IQSEC2: variants seen among roughly 807,000 people sequenced by gnomAD.
IQSEC2 encodes the protein IQ motif and SEC7 domain-containing protein 2.
IQSEC2 carries 6 observed loss-of-function variants against 74.6 expected under a neutral mutation model. The ratio of observed to expected loss-of-function variants is 0.08; its 90% CI spans 0.04 to 0.16. IQSEC2 has a LOEUF of 0.16. IQSEC2 is among the 10% of genes least tolerant of loss of function. IQSEC2 has a pLI of 1.00. For missense variants in IQSEC2, 734 were observed against 1,306.2 expected (o/e 0.56, Z 6.75); for synonymous variants, 494 against 544.5 (o/e 0.91, Z 1.29).
chrX:53,292,804 CGT>C (rs1215314611), intron 1 of IQSEC2, among the ~76,000 whole-genome samples: 3 of 110,250 alleles, frequency 2.7e-5, no homozygotes, highest in Admixed American at 9.5e-5. Context: ...TGCGCGCGCA[CGT>C]GTGTGTGTGT....
chrX:53,302,187 G>A (rs2075217496), intron 1 of IQSEC2, among the ~76,000 whole-genome samples: 1 of 112,458 alleles, frequency 8.9e-6, no homozygotes. Flanking sequence ...TGCAAACACT[G>A]GCTGTGGTGG....
At chrX:53,267,157 G>A in intron 2 of IQSEC2, 1 of 1,078,527 alleles carries the variant, frequency 9.3e-7, no homozygotes, top group Non-Finnish European at 1.2e-6. Flanking sequence ...GATACGCGAA[G>A]GGCCAGGACC....
At chrX:53,236,574 T>C in intron 12 of IQSEC2, 79 bp from the exon 13 acceptor site, 3 of 1,033,005 alleles carry the variant, frequency 2.9e-6, no homozygotes, top group South Asian at 2.0e-5. Flanking sequence ...TAGCCCTCCA[T>C]GGGCCATTCT....
chrX:53,306,275 C>T (rs970277180), intron 1 of IQSEC2, among the ~76,000 whole-genome samples: 3 of 112,169 alleles, frequency 2.7e-5, no homozygotes, highest in Non-Finnish European at 5.6e-5. Context: ...GCCCAGCTTA[C>T]AGCAGACGGA....
intron 2 of IQSEC2, among the ~76,000 whole-genome samples, chrX:53,270,935 T>C (rs2074734025): frequency 9.0e-6 from 1 of 111,459 alleles, no homozygotes; most frequent in African/African-American, 3.3e-5. Context: ...CTCCCTTGGA[T>C]TACTGCATAG....
chrX:53,256,478 C>CCAA (rs1474816863), intron 2 of IQSEC2, among the ~76,000 whole-genome samples: 7 of 110,819 alleles, frequency 6.3e-5, no homozygotes, highest in Non-Finnish European at 1.3e-4. Context: ...GGCCTTGTCC[C>CCAA]CAACGCAGTG....
intron 1 of IQSEC2, among the ~76,000 whole-genome samples, chrX:53,292,661 T>C (rs1304855703): frequency 2.7e-5 from 3 of 110,907 alleles, no homozygotes; most frequent in Non-Finnish European, 5.7e-5. Flanking sequence ...GAGAATGGAG[T>C]TGGGGACATC....
intron 1 of IQSEC2, among the ~76,000 whole-genome samples, chrX:53,313,218 G>A: frequency 8.9e-6 from 1 of 112,263 alleles, no homozygotes; most frequent in Non-Finnish European, 1.9e-5. Flanking sequence ...ATGCCAGGCA[G>A]CCAGGAAATT....
intron 1 of IQSEC2, among the ~76,000 whole-genome samples, chrX:53,306,666 C>G (rs2075265823): frequency 9.0e-6 from 1 of 111,631 alleles, no homozygotes; most frequent in Non-Finnish European, 1.9e-5. Context: ...TATCTCCTCT[C>G]TCTCCCAGGA....
intron 2 of IQSEC2, among the ~76,000 whole-genome samples, chrX:53,285,913 G>A (rs2075021124): frequency 8.9e-6 from 1 of 112,392 alleles, no homozygotes; most frequent in Non-Finnish European, 1.9e-5. Context: ...TTTATTCATA[G>A]GTGAAAACTT....
At chrX:53,256,756 G>A (rs2074479326) in intron 2 of IQSEC2, among the ~76,000 whole-genome samples, 2 of 112,662 alleles carry the variant, frequency 1.8e-5, no homozygotes, top group African/African-American at 6.4e-5. Context: ...AGTGGGAGGC[G>A]CCTCCCATCC....
At chrX:53,276,486 C>A (rs1034481089) in intron 2 of IQSEC2, among the ~76,000 whole-genome samples, 1 of 112,200 alleles carries the variant, frequency 8.9e-6, no homozygotes, top group Non-Finnish European at 1.9e-5. Context: ...ACAATCATAC[C>A]ATCCTCAAAT....
intron 1 of IQSEC2, among the ~76,000 whole-genome samples, chrX:53,310,068 G>A (rs1161362889): frequency 9.0e-6 from 1 of 111,578 alleles, no homozygotes; most frequent in Non-Finnish European, 1.9e-5. Flanking sequence ...ACAGTATCAG[G>A]GAATGCCATC....
chrX:53,311,875 C>T (rs973318733), intron 1 of IQSEC2, among the ~76,000 whole-genome samples: 13 of 111,749 alleles, frequency 1.2e-4, no homozygotes, highest in African/African-American at 3.3e-4. Context: ...GCTGAGATCA[C>T]GCCACTTCAC....
Position 53,279,720 on chromosome X carries a change from AGGGTG to A in IQSEC2, c.737+12170_737+12174del, listed in dbSNP as rs2074911989. On this transcript the variant is annotated intron_variant, in intron 2 of 14. Coordinates refer to ENST00000642864, the MANE Select transcript of IQSEC2 (RefSeq NM_001111125.3). ...AGAGACAGGGAGGGAGGGAAGTGGC[AGGGTG>A]GGCGATGGGGGCAAGAAGGTGAGAG... The A allele has an allele frequency of 5.3e-6, 3 of 565,029 alleles. No individual in the cohort carries two copies. The Admixed American group carries it at 8.5e-5, about 16-fold the overall frequency. The allele number at this position is 565,029 out of a possible 1,213,427, so 46.6% of individuals were successfully genotyped here.
At chrX:53,239,062 G>A in intron 11 of IQSEC2, 133 bp downstream of exon 11, 1 of 522,306 alleles carries the variant, frequency 1.9e-6, no homozygotes, top group South Asian at 2.5e-5. Context: ...CTCATCCTGG[G>A]ACCAAGTAGG....
chrX:53,239,786 T>C (rs1249462953), intron 10 of IQSEC2, among the ~76,000 whole-genome samples: 1 of 111,730 alleles, frequency 9.0e-6, no homozygotes, highest in Non-Finnish European at 1.9e-5. Flanking sequence ...AGTTAATAAG[T>C]CTTCCTCTCA....
chrX:53,281,181 T>C (rs1405456814), intron 2 of IQSEC2, among the ~76,000 whole-genome samples: 3 of 112,440 alleles, frequency 2.7e-5, no homozygotes, highest in Admixed American at 9.3e-5. Context: ...TGTTAGAATC[T>C]CAGAGGCCAC....
rs782665684 is a variant in IQSEC2, at chrX:53,271,168, C to G, written c.738-15107G>C. ...ACCTCCAGGCCTTTGCGGACACTGT[C>G]AGCACCTCCTCCCCCATCTCTAACT... On this transcript the variant is annotated intron_variant, in intron 2 of 14. Transcript: ENST00000642864. 2.7e-5 allele frequency among the ~76,000 whole-genome samples: 3 copies of G among 112,104 alleles called. No individual in the cohort carries two copies. The East Asian group carries it at 8.3e-4, about 31-fold the overall frequency.
Sources: gnomAD v4.1 joint callset for allele counts (sites outside exome capture counted in the v4.1 genomes callset) on GRCh38, gnomAD v4.1.1 for gene constraint, MANE v1.5 for transcripts, NCBI Gene and HGNC (gene_info 2026-07-23, HGNC 2026-07-21) for gene names.